The following ADAMTSL1 variants were observed in gnomAD, a reference collection of about 807,000 sequenced individuals.
ADAMTSL1 encodes ADAMTS-like protein 1.
ADAMTSL1 carries 126 observed loss-of-function variants against 201.8 expected under a neutral mutation model. The ratio of observed to expected loss-of-function variants is 0.62; its 90% CI spans 0.54 to 0.72. ADAMTSL1 has a LOEUF of 0.72. Ranked by LOEUF, ADAMTSL1 falls within the 30% of genes least tolerant of loss-of-function variation. The pLI is 0.00. For missense variants in ADAMTSL1, 2,679 were observed against 2,277.8 expected (o/e 1.18, Z -3.59); for synonymous variants, 1,121 against 903.4 (o/e 1.24, Z -4.32).
chr9:18,852,676 C>T (rs1826572307), intron 23 of ADAMTSL1, among the ~76,000 whole-genome samples: 1 of 152,134 alleles, frequency 6.6e-6, no homozygotes, highest in Non-Finnish European at 1.5e-5. Flanking sequence ...GGAATCAAAA[C>T]TAATGAAAAG....
intron 2 of ADAMTSL1, among the ~76,000 whole-genome samples, chr9:18,184,107 A>G (rs1279374302): frequency 6.6e-6 from 1 of 152,202 alleles, no homozygotes; most frequent in Non-Finnish European, 1.5e-5. Flanking sequence ...AGAAGTGACA[A>G]GCATTTCATT....
chr9:18,290,802 G>A (rs1248856119), intron 2 of ADAMTSL1, among the ~76,000 whole-genome samples: 1 of 128,138 alleles, frequency 7.8e-6, no homozygotes, highest in African/African-American at 2.9e-5. Flanking sequence ...TTTTTTTTGA[G>A]GCAGAGTCTC....
intron 1 of ADAMTSL1, among the ~76,000 whole-genome samples, chr9:18,496,264 T>C (rs1369659067): frequency 6.6e-6 from 1 of 152,200 alleles, no homozygotes. Context: ...ATTCCACTTT[T>C]TCTGAGTAAG....
At position 18,866,146 on chromosome 9, in the gene ADAMTSL1, T is replaced by G. The variant is rs150671135; in HGVS notation, c.4250-21685T>G. ...AAAAAAAAAATGACGGATACTTCAT[T>G]TGTTTTAACAAATGAGAAATGTCCG... On this transcript the variant is annotated intron_variant, in intron 23 of 28. Transcript: ENST00000380548. 1.2e-4 allele frequency among the ~76,000 whole-genome samples: 11 copies of G among 90,594 alleles called. No homozygotes were observed. In the East Asian group the frequency reaches 4.2e-3, roughly 35 times the overall value. The allele number at this position is 90,594 out of a possible 152,430, so 59.4% of individuals were successfully genotyped here.
At chr9:18,378,079 C>G (rs530382136) in intron 2 of ADAMTSL1, among the ~76,000 whole-genome samples, 22 of 152,166 alleles carry the variant, frequency 1.4e-4, no homozygotes, top group Non-Finnish European at 2.9e-4. Context: ...CATCTTCTTT[C>G]TTCCCTTTCT....
intron 9 of ADAMTSL1, among the ~76,000 whole-genome samples, chr9:18,674,950 C>G (rs1459040005): frequency 2.6e-5 from 4 of 152,048 alleles, no homozygotes; most frequent in Admixed American, 1.3e-4. Context: ...CAGGGACCCA[C>G]CAGTCTTACC....
intron 2 of ADAMTSL1, among the ~76,000 whole-genome samples, chr9:18,378,849 A>G (rs1219069698): frequency 2.0e-5 from 3 of 152,130 alleles, no homozygotes; most frequent in Admixed American, 2.0e-4. Context: ...TTCATTACAA[A>G]GGTTAATGGG....
chr9:18,421,107 AAG>A (rs1171115064), intron 2 of ADAMTSL1, among the ~76,000 whole-genome samples: 1 of 152,186 alleles, frequency 6.6e-6, no homozygotes, highest in African/African-American at 2.4e-5. Flanking sequence ...TGCAGAGGGT[AAG>A]AGAGGTCCCA....
chr9:18,160,357 A>G (rs1044503011), intron 1 of ADAMTSL1, among the ~76,000 whole-genome samples: 4 of 152,000 alleles, frequency 2.6e-5, no homozygotes, highest in Non-Finnish European at 5.9e-5. Flanking sequence ...CGAGTGAATA[A>G]TGGGGGTTGA....
In ADAMTSL1 at chr9:18,809,910, TG is replaced by T. The variant is rs199789791; in HGVS notation, c.3806-7197del. Among the ~76,000 whole-genome samples, 183 of 152,346 alleles carry T rather than the reference TG, an allele frequency of 1.2e-3. 2 individuals are homozygous for T. In the East Asian group the frequency reaches 0.029, roughly 24 times the overall value. ...GATTCATGTTTTAGCAAGATCACGC[TG>T]GCTGCCATAAAACTGTAGTGAGGGA... On this transcript the variant is annotated intron_variant, in intron 20 of 28. Transcript: ENST00000380548.
At chr9:17,943,053 C>G (rs1827306730) in intron 1 of ADAMTSL1, among the ~76,000 whole-genome samples, 1 of 152,098 alleles carries the variant, frequency 6.6e-6, no homozygotes, top group Non-Finnish European at 1.5e-5. Context: ...TCCCAAGTAG[C>G]TGGGATTAGA....
At chr9:18,844,822 G>C (rs1265501097) in intron 23 of ADAMTSL1, among the ~76,000 whole-genome samples, 1 of 152,208 alleles carries the variant, frequency 6.6e-6, no homozygotes, top group Non-Finnish European at 1.5e-5. Flanking sequence ...AAGACTCTGT[G>C]GGCATAGGAC....
At position 17,953,849 on chromosome 9, in the gene ADAMTSL1, G is replaced by A. The variant is rs1159905919; in HGVS notation, c.87+46927G>A. On this transcript the variant is annotated intron_variant, in intron 1 of 29. Transcript: ENST00000680146. ...TTTTGTGTGTGAGGAGTTTGGGCAG[G>A]ACACAGCTGAGGAGGTTTTCTCTGC... Among the ~76,000 whole-genome samples the A allele has an allele frequency of 7.2e-5, 11 of 152,288 alleles. No homozygotes were observed. In the East Asian group the frequency reaches 2.1e-3, roughly 29 times the overall value.
At chr9:17,981,612 C>G (rs1417752398) in intron 1 of ADAMTSL1, among the ~76,000 whole-genome samples, 1 of 152,176 alleles carries the variant, frequency 6.6e-6, no homozygotes, top group Non-Finnish European at 1.5e-5. Context: ...TTTGCGTTTT[C>G]TTCTGCCAGG....
chr9:18,153,178 A>G (rs757047358), intron 1 of ADAMTSL1, among the ~76,000 whole-genome samples: 10 of 152,162 alleles, frequency 6.6e-5, no homozygotes, highest in Non-Finnish European at 1.3e-4. Context: ...TCCACATCCT[A>G]TACTTGCCAA....
At chr9:18,738,955 T>C (rs983238358) in intron 15 of ADAMTSL1, among the ~76,000 whole-genome samples, 31 of 152,170 alleles carry the variant, frequency 2.0e-4, no homozygotes, top group African/African-American at 7.5e-4. Flanking sequence ...AGCTAGAGGC[T>C]AGCAGGGAAA....
intron 25 of ADAMTSL1, 53 bp downstream of exon 25, chr9:18,889,801 C>A (rs185863457): frequency 7.1e-7 from 1 of 1,402,586 alleles, no homozygotes; most frequent in East Asian, 2.8e-5. Flanking sequence ...GGAGCCCTCC[C>A]TGTTAGCGAA....
intron 1 of ADAMTSL1, among the ~76,000 whole-genome samples, chr9:17,987,983 C>T (rs557887840): frequency 2.0e-5 from 3 of 152,086 alleles, no homozygotes; most frequent in South Asian, 2.1e-4. Context: ...CTATGACAAA[C>T]GTGTTTTGGT....
intron 1 of ADAMTSL1, among the ~76,000 whole-genome samples, chr9:18,083,601 A>G (rs1238194386): frequency 6.6e-6 from 1 of 152,232 alleles, no homozygotes; most frequent in Non-Finnish European, 1.5e-5. Context: ...CTTAAGAGTT[A>G]TATGAAAGAC....
Sources: gnomAD v4.1 joint callset for allele counts (sites outside exome capture counted in the v4.1 genomes callset) on GRCh38, gnomAD v4.1.1 for gene constraint, MANE v1.5 for transcripts, NCBI Gene and HGNC (gene_info 2026-07-23, HGNC 2026-07-21) for gene names.